Variants in GPM6A observed in about 807,000 individuals in gnomAD.
GPM6A encodes the protein neuronal membrane glycoprotein M6-a.
A neutral mutation model predicts 32.1 loss-of-function variants in GPM6A; 7 were observed. The observed-to-expected ratio is 0.22, with a 90% CI of 0.12 to 0.41. The LOEUF is 0.41. Among genes scored for constraint, GPM6A ranks in the 10% least tolerant of loss-of-function variants. The probability of loss-of-function intolerance (pLI) is 1.00; values close to 1 mark genes in which losing one functional copy is unlikely to be tolerated. For missense variants in GPM6A, 235 were observed against 347.2 expected (o/e 0.68, Z 2.57); for synonymous variants, 130 against 123.4 (o/e 1.05, Z -0.35).
chr4:175,664,903 A>C (rs1378161825), intron 3 of GPM6A, among the ~76,000 whole-genome samples: 1 of 152,206 alleles, frequency 6.6e-6, no homozygotes, highest in Non-Finnish European at 1.5e-5. Context: ...GCCTACTACA[A>C]ACCTATGCTA....
chr4:175,720,841 A>T (rs1312046173), intron 1 of GPM6A, among the ~76,000 whole-genome samples: 1 of 151,938 alleles, frequency 6.6e-6, no homozygotes, highest in Non-Finnish European at 1.5e-5. Flanking sequence ...AACTGAAGAA[A>T]CCTTAGAAAT....
intron 1 of GPM6A, among the ~76,000 whole-genome samples, chr4:175,786,121 A>C (rs935515013): frequency 5.9e-5 from 9 of 152,192 alleles, no homozygotes; most frequent in African/African-American, 2.2e-4. Context: ...AACAGAAAAC[A>C]CAGTGACATC....
At chr4:175,917,410 C>T (rs1738527381) in intron 1 of GPM6A, among the ~76,000 whole-genome samples, 1 of 152,118 alleles carries the variant, frequency 6.6e-6, no homozygotes, top group Non-Finnish European at 1.5e-5. Flanking sequence ...TTTAATGTTG[C>T]AAGAAAAGGA....
At chr4:175,778,380 A>C (rs1177062879) in intron 1 of GPM6A, among the ~76,000 whole-genome samples, 1 of 152,000 alleles carries the variant, frequency 6.6e-6, no homozygotes, top group Non-Finnish European at 1.5e-5. Flanking sequence ...CATGCCTCCC[A>C]CTTTGGGAGG....
chr4:175,870,666 C>T (rs1736877978), intron 1 of GPM6A, among the ~76,000 whole-genome samples: 1 of 152,158 alleles, frequency 6.6e-6, no homozygotes, highest in African/African-American at 2.4e-5. Context: ...CTTGTTCCCA[C>T]ACCCTATGTC....
At chr4:175,990,854 G>C (rs1467070837) in intron 1 of GPM6A, among the ~76,000 whole-genome samples, 3 of 151,984 alleles carry the variant, frequency 2.0e-5, no homozygotes, top group African/African-American at 7.3e-5. Context: ...TTCTCTTAAG[G>C]TAACTGCTGT....
intron 1 of GPM6A, among the ~76,000 whole-genome samples, chr4:175,942,844 T>A (rs962025943): frequency 6.6e-6 from 1 of 152,188 alleles, no homozygotes; most frequent in Non-Finnish European, 1.5e-5. Flanking sequence ...TTGCTTAGGA[T>A]TGTCTTGGCT....
chr4:175,780,108 C>T lies in GPM6A; in HGVS notation c.37+32083G>A, dbSNP rs573593898. On this transcript the variant is annotated intron_variant, in intron 1 of 6. Coordinates refer to ENST00000393658, the MANE Select transcript of GPM6A (RefSeq NM_201591.3). ...CCCAGGCTGGAGTGAAGTGGCGTGG[C>T]GTGATCTCGGCTCACTGCAACCTCC... 2.1e-3 allele frequency among the ~76,000 whole-genome samples: 318 copies of T among 150,414 alleles called. 2 individuals are homozygous for T. The highest frequency in any genetic ancestry group is 7.2e-3 in the African/African-American group (295 of 40,872).
At chr4:175,934,273 G>A (rs1452930195) in intron 1 of GPM6A, among the ~76,000 whole-genome samples, 3 of 152,142 alleles carry the variant, frequency 2.0e-5, no homozygotes, top group Non-Finnish European at 4.4e-5. Context: ...AATATTTACT[G>A]TCTTTTGTAA....
chr4:175,969,480 G>A (rs1004656545), intron 1 of GPM6A, among the ~76,000 whole-genome samples: 2 of 152,132 alleles, frequency 1.3e-5, no homozygotes, highest in Admixed American at 6.5e-5. Flanking sequence ...AAGCTGAAGC[G>A]AGAAGATCAT....
intron 1 of GPM6A, among the ~76,000 whole-genome samples, chr4:175,726,948 A>G (rs1420927296): frequency 1.3e-5 from 2 of 152,188 alleles, no homozygotes; most frequent in Non-Finnish European, 2.9e-5. Context: ...GTAAGCCAAG[A>G]TCATGCCACT....
rs1300509792 is a variant in GPM6A at position 175,962,214 on chromosome 4, A to T, written c.-23+40095T>A. The T allele has an allele frequency of 4.6e-6, 6 of 1,296,428 alleles. No homozygotes were observed. In the African/African-American group the frequency reaches 8.7e-5, roughly 19 times the overall value. 80.3% of individuals were successfully genotyped at this position (1,296,428 alleles called of 1,614,324 possible). The stretch of plus-strand genomic sequence containing the variant: ...GCCCCTGGAGTATTGGAGTCAGTTC[A>T]TGATGGTGGAACAAGAGAACATTGA... On this transcript the variant is annotated intron_variant, in intron 1 of 7. Transcript: ENST00000280187.
At chr4:175,644,832 C>T (rs1741362438) in intron 4 of GPM6A, among the ~76,000 whole-genome samples, 2 of 152,116 alleles carry the variant, frequency 1.3e-5, no homozygotes, top group African/African-American at 2.4e-5. Flanking sequence ...GGAGGCCAGG[C>T]GCAGTGGCTC....
intron 2 of GPM6A, among the ~76,000 whole-genome samples, chr4:175,682,686 C>A (rs73875133): frequency 0.046 from 7,021 of 152,204 alleles, 191 homozygotes; most frequent in Non-Finnish European, 0.063. Flanking sequence ...CAAAAGGCAC[C>A]AGATACAGCT....
At chr4:175,947,452 A>G (rs921814407) in intron 1 of GPM6A, among the ~76,000 whole-genome samples, 9 of 152,088 alleles carry the variant, frequency 5.9e-5, no homozygotes, top group Non-Finnish European at 7.4e-5. Context: ...ATTCTTAAGA[A>G]TAATATTTAT....
In GPM6A at chr4:175,929,486, C is replaced by G. The variant is rs369094138; in HGVS notation, c.-23+72823G>C. ...AAAGATAAACTCAGTGATTAAAATA[C>G]AAATAAAGTAATATGGTTCTGCATT... On this transcript the variant is annotated intron_variant, in intron 1 of 7. Transcript: ENST00000280187. Among the ~76,000 whole-genome samples, 9 of 152,256 alleles carry G rather than the reference C, an allele frequency of 5.9e-5. No homozygotes were observed. In the South Asian group the frequency reaches 1.9e-3, roughly 32 times the overall value.
intron 3 of GPM6A, among the ~76,000 whole-genome samples, chr4:175,652,196 G>A (rs1741849536): frequency 6.6e-6 from 1 of 152,062 alleles, no homozygotes; most frequent in African/African-American, 2.4e-5. Context: ...TCATATCTTG[G>A]CAGAAGTTCT....
intron 1 of GPM6A, among the ~76,000 whole-genome samples, chr4:175,944,290 G>A (rs1479750692): frequency 6.6e-6 from 1 of 152,108 alleles, no homozygotes; most frequent in Non-Finnish European, 1.5e-5. Flanking sequence ...TAATTTTTGT[G>A]CTGGCATATA....
chr4:175,925,763 A>C (rs192497930), intron 1 of GPM6A, among the ~76,000 whole-genome samples: 1 of 152,174 alleles, frequency 6.6e-6, no homozygotes, highest in Non-Finnish European at 1.5e-5. Context: ...ATATTGTAGT[A>C]ATCAAAATAC....
Sources: allele counts gnomAD v4.1 joint callset (sites outside exome capture counted in the v4.1 genomes callset), GRCh38; gene constraint gnomAD v4.1.1; transcripts MANE v1.5; gene names NCBI Gene and HGNC (gene_info 2026-07-23, HGNC 2026-07-21).